STAG3: variants seen among roughly 807,000 people sequenced by gnomAD.
STAG3 encodes the protein cohesin subunit SA-3.
In STAG3, 101 loss-of-function variants were observed where a neutral mutation model predicts 160.7. That is an observed-to-expected ratio of 0.63 (90% CI 0.54 to 0.74). STAG3 has a LOEUF of 0.74. Among genes scored for constraint, STAG3 ranks in the 30% least tolerant of loss-of-function variants. The pLI is 0.00. For synonymous variants in STAG3, 519 were observed against 585.0 expected, an observed-to-expected ratio of 0.89 and a Z score of 1.63; for missense variants, 1,188 against 1,517.4, an observed-to-expected ratio of 0.78 and a Z score of 3.61.
At chr7:100,188,789 C>T (rs917174370) in intron 6 of STAG3, 23 bp from the exon 7 acceptor site, 1 of 1,612,718 alleles carries the variant, frequency 6.2e-7, no homozygotes, top group African/African-American at 1.3e-5. Flanking sequence ...ACTTTCCCAT[C>T]CTTTTCATAC....
In STAG3 at chr7:100,204,098, A is replaced by G. The variant is rs1383871803; in HGVS notation, c.2778A>G (p.Arg926=). ...AGATTGACCGAAGTCATTGTTCCCG[A>G]ATCCTGCTGCTGAGCCTCAAGCAGG... The part of the protein sequence containing the change: ...ARQIDRSHCS[R]ILLLSLKQLY... The change falls in exon 26 of 34, where the codon CGA becomes CGG. Residue 926 remains arginine (R), a synonymous_variant. Coordinates refer to ENST00000615138, the MANE Select transcript of STAG3 (RefSeq NM_001282717.2). 3 of 1,613,988 alleles carry G rather than the reference A, an allele frequency of 1.9e-6. No homozygotes were observed. The highest frequency in any genetic ancestry group is 2.5e-6 in the Non-Finnish European group (3 of 1,180,018).
intron 4 of STAG3, among the ~76,000 whole-genome samples, chr7:100,183,821 A>T (rs1325453663): frequency 6.6e-6 from 1 of 152,254 alleles, no homozygotes; most frequent in East Asian, 1.9e-4. Flanking sequence ...ATTTGAGTTA[A>T]CATTGTTTGA....
rs1434389254 is a variant in STAG3 at position 100,197,869 on chromosome 7, G to A, written c.1157G>A (p.Arg386His). 1.2e-5 allele frequency: 20 copies of A among 1,613,454 alleles called. No homozygotes were observed. Among genetic ancestry groups the A allele is most frequent in the Non-Finnish European group, 1.6e-5 (19 of 1,179,692 alleles). The change falls in exon 11 of 34, where the codon CGC becomes CAC. Residue 386 changes from arginine (R) to histidine (H), a missense_variant. Transcript: ENST00000615138. ...ACACGCCTGGAGCTCTTCACCAGCC[G>A]CTTCAAGGTAAAATGGGTGGTGCTC... The part of the protein sequence containing the change: ...LTTRLELFTS[R>H]FKDRMVSMVM...
chr7:100,184,823 A>G (rs537724421), intron 4 of STAG3, among the ~76,000 whole-genome samples: 12 of 151,752 alleles, frequency 7.9e-5, no homozygotes, highest in African/African-American at 2.9e-4. Context: ...TTTATTAAAC[A>G]TAGTCATTTT....
chr7:100,216,906 C>T (rs138080852), downstream of STAG3, among the ~76,000 whole-genome samples: 819 of 152,212 alleles, frequency 5.4e-3, 5 homozygotes, highest in Middle Eastern at 0.041. Context: ...AGATCCAAAC[C>T]CGCTGAAAAT....
At chr7:100,216,490 T>C (rs1165648639), downstream of STAG3, among the ~76,000 whole-genome samples, 1 of 152,172 alleles carries the variant, frequency 6.6e-6, no homozygotes, top group African/African-American at 2.4e-5. Flanking sequence ...TTCAACATTT[T>C]CTGAAGTTCA....
chr7:100,206,378 A>G (rs1028835346), intron 29 of STAG3, among the ~76,000 whole-genome samples: 2 of 152,140 alleles, frequency 1.3e-5, no homozygotes, highest in African/African-American at 4.8e-5. Context: ...TGTAGCAATC[A>G]TTATTTCATA....
downstream of STAG3, among the ~76,000 whole-genome samples, chr7:100,217,017 A>C (rs1464471934): frequency 6.6e-6 from 1 of 152,082 alleles, no homozygotes; most frequent in Non-Finnish European, 1.5e-5. Flanking sequence ...CAAAACCTGA[A>C]GTGTGTGAGC....
Position 100,205,396 on chromosome 7 carries a change from T to G in STAG3, c.3238+12T>G. 1.9e-6 allele frequency: 3 copies of G among 1,605,552 alleles called. No individual in the cohort carries two copies. Among genetic ancestry groups the G allele is most frequent in the Non-Finnish European group, 1.7e-6 (2 of 1,176,264 alleles). On this transcript the variant is annotated intron_variant, in intron 29 of 33. Transcript: ENST00000615138. ...GAGGCGCGTTGAAGGTAGGGTGCTG[T>G]GTGTGGGTATGGGGGTGCCCAGCAG... is the stretch of plus-strand genomic sequence containing the variant.
rs148585466 is a variant in STAG3, at chr7:100,207,098, T to C, written c.3238+1714T>C. On this transcript the variant is annotated intron_variant, in intron 29 of 33. Coordinates refer to ENST00000615138, the MANE Select transcript of STAG3 (RefSeq NM_001282717.2). This position sits in a 1 kb window ranked among gnomAD's most constrained non-coding sequence, Gnocchi z 4.0. ...TTTTTATGGCCGAAACAATATGCCA[T>C]CGTGTGGATATGCCACATTCTACTT... Among the ~76,000 whole-genome samples the C allele has an allele frequency of 5.3e-5, 8 of 152,348 alleles. No individual in the cohort carries two copies. Among genetic ancestry groups the C allele is most frequent in the South Asian group, 2.1e-4 (1 of 4,826 alleles).
chr7:100,208,283 A>C (rs1212246069), intron 29 of STAG3, among the ~76,000 whole-genome samples: 12 of 152,210 alleles, frequency 7.9e-5, no homozygotes, highest in African/African-American at 2.9e-4. Flanking sequence ...TTAATTAATT[A>C]ACTAATACAT....
chr7:100,184,463 G>GGATT (rs71126310), intron 4 of STAG3, among the ~76,000 whole-genome samples: 1 of 98,552 alleles, frequency 1.0e-5, no homozygotes, highest in Non-Finnish European at 1.9e-5. Context: ...CAGCGTGTTA[G>GGATT]TTTTTTTTTT....
In STAG3 at chr7:100,198,823, C is replaced by A. The variant is rs1187792237; in HGVS notation, c.1353-20C>A. Reference sequence around the variant, plus strand: ...TGTTTCCTGTTGTGCTGAGCCCTTTCCTCGTGTCCATTCCACCAGACTCTT... The same window carrying A: ...TGTTTCCTGTTGTGCTGAGCCCTTTACTCGTGTCCATTCCACCAGACTCTT... On this transcript the variant is annotated intron_variant, in intron 13 of 33. Coordinates refer to ENST00000615138, the MANE Select transcript of STAG3 (RefSeq NM_001282717.2). The A allele has an allele frequency of 6.2e-7, 1 of 1,602,082 alleles. No homozygotes were observed. Among genetic ancestry groups the A allele is most frequent in the Non-Finnish European group, 8.5e-7 (1 of 1,170,764 alleles).
At chr7:100,199,130 A>G in intron 14 of STAG3, 132 bp from the exon 15 acceptor site, 2 of 747,330 alleles carry the variant, frequency 2.7e-6, no homozygotes, top group East Asian at 3.1e-5. Context: ...TCTCTATCGA[A>G]AAAAAAAAAA....
chr7:100,183,341 G>A (rs1799775641), intron 4 of STAG3, among the ~76,000 whole-genome samples: 1 of 152,186 alleles, frequency 6.6e-6, no homozygotes, highest in Non-Finnish European at 1.5e-5. Flanking sequence ...TTTCTTAAAG[G>A]TATCACAGGA....
At chr7:100,202,968 T>C (rs1196363828) in intron 25 of STAG3, among the ~76,000 whole-genome samples, 1 of 152,164 alleles carries the variant, frequency 6.6e-6, no homozygotes, top group Non-Finnish European at 1.5e-5. Context: ...CCAGTATTGA[T>C]TTATGCTTAT....
At chr7:100,204,487 C>G (rs948681967) in intron 26 of STAG3, 140 bp from the exon 27 acceptor site, 1 of 1,051,714 alleles carries the variant, frequency 9.5e-7, no homozygotes, top group African/African-American at 1.6e-5. Context: ...TCGGGAGTTC[C>G]CTAGAAGGAA....
intron 9 of STAG3, among the ~76,000 whole-genome samples, chr7:100,196,867 A>G (rs1348195005): frequency 6.6e-6 from 1 of 152,104 alleles, no homozygotes; most frequent in Non-Finnish European, 1.5e-5. Flanking sequence ...GGTATGGCAC[A>G]TTTTTGTAGT....
rs1307373676 is a variant in STAG3 at position 100,211,443 on chromosome 7, C to T, written c.3422C>T (p.Pro1141Leu). 3 of 1,613,732 alleles carry T rather than the reference C, an allele frequency of 1.9e-6. No individual in the cohort carries two copies. Among genetic ancestry groups the T allele is most frequent in the East Asian group, 4.5e-5 (2 of 44,868 alleles). ...TCCTGCTTCATTCCCAGCAGTCAGC[C>T]CGTCGCAGGCACCGAGAGGTCAAGG... ...SELDFAQGSQPVAGTERSRFL... is the reference protein window; with the variant it reads ...SELDFAQGSQLVAGTERSRFL... Residue 1141 changes from proline (P) to leucine (L), a missense_variant, in exon 31 of 34, where the codon CCC becomes CTC. Physicochemically the swap from Pro to Leu is moderately conservative, Grantham distance 98. Coordinates refer to ENST00000615138, the MANE Select transcript of STAG3 (RefSeq NM_001282717.2).
Sources: allele counts gnomAD v4.1 joint callset (sites outside exome capture counted in the v4.1 genomes callset), GRCh38; gene constraint gnomAD v4.1.1; non-coding constraint Gnocchi (gnomAD v3.1); transcripts MANE v1.5; gene names NCBI Gene and HGNC (gene_info 2026-07-23, HGNC 2026-07-21).